The following ANKRD27 variants were observed in gnomAD, a reference collection of about 807,000 sequenced individuals.
The protein encoded by ANKRD27 is ankyrin repeat domain 27.
ANKRD27 carries 112 observed loss-of-function variants against 129.7 expected under a neutral mutation model. The observed-to-expected ratio is 0.86, with a 90% CI of 0.74 to 1.01. The LOEUF (loss-of-function observed/expected upper bound fraction) is 1.01. Among genes scored for constraint, ANKRD27 ranks in the 50% least tolerant of loss-of-function variants. ANKRD27 has a pLI of 0.00. For synonymous variants in ANKRD27, 516 were observed against 511.2 expected (o/e 1.01, Z -0.13); for missense variants, 1,258 against 1,300.5 (o/e 0.97, Z 0.50).
At chr19:32,647,536 GTGTCCT>G (rs1392862239) in intron 3 of ANKRD27, among the ~76,000 whole-genome samples, 51 of 152,362 alleles carry the variant, frequency 3.3e-4, no homozygotes, top group Admixed American at 2.5e-3. Context: ...CCCGGCCACA[GTGTCCT>G]CACTGGGGCA....
intron 1 of ANKRD27, among the ~76,000 whole-genome samples, chr19:32,665,210 T>G (rs1967727522): frequency 6.6e-6 from 1 of 151,852 alleles, no homozygotes; most frequent in Non-Finnish European, 1.5e-5. Flanking sequence ...CTTTACAATA[T>G]CAAATGAATC....
chr19:32,617,040 A>C (rs1310781549), intron 21 of ANKRD27, among the ~76,000 whole-genome samples: 1 of 152,214 alleles, frequency 6.6e-6, no homozygotes, highest in African/African-American at 2.4e-5. Context: ...GAGTATGGAC[A>C]TCTGAAAGGC....
intron 1 of ANKRD27, among the ~76,000 whole-genome samples, chr19:32,662,607 T>C (rs1243236502): frequency 1.3e-5 from 2 of 152,126 alleles, no homozygotes; most frequent in African/African-American, 4.8e-5. Flanking sequence ...CCAGGTGTGC[T>C]GGCACATGCC....
chr19:32,649,613 C>T (rs1283091154), intron 3 of ANKRD27, 69 bp downstream of exon 3: 2 of 1,061,020 alleles, frequency 1.9e-6, no homozygotes, highest in South Asian at 1.3e-5. Context: ...GAGAACGGGA[C>T]TCTCTTCCTC....
chr19:32,672,937 T>A (rs886594559), intron 1 of ANKRD27: 1 of 152,160 alleles, frequency 6.6e-6, no homozygotes, highest in African/African-American at 2.4e-5. Flanking sequence ...CATGGTCACA[T>A]TCCTCCACTC....
intron 2 of ANKRD27, among the ~76,000 whole-genome samples, chr19:32,656,385 G>T (rs1052469076): frequency 6.6e-6 from 1 of 152,184 alleles, no homozygotes; most frequent in Non-Finnish European, 1.5e-5. Context: ...TGCCCACCTT[G>T]CGTCCCGTAC....
chr19:32,619,733 T>A (rs962657562), intron 18 of ANKRD27, among the ~76,000 whole-genome samples, 180 bp from the exon 19 acceptor site: 4 of 152,008 alleles, frequency 2.6e-5, no homozygotes, highest in African/African-American at 9.7e-5. Flanking sequence ...CCAGAGCAGG[T>A]GGGAACTTAC....
At chr19:32,643,887 T>C in intron 5 of ANKRD27, 1 of 518,820 alleles carries the variant, frequency 1.9e-6, no homozygotes, top group Admixed American at 3.3e-5. Flanking sequence ...TGTTTTTTCT[T>C]TTTAAGAGAC....
rs974640024 is a variant in ANKRD27, at chr19:32,597,214, T to C, written c.*931A>G. ...GACTCAGGACAAACCCATATACGTG[T>C]AGCTCTAGGCCAATAACATAAAAAT... On this transcript the variant is annotated 3_prime_UTR_variant, in exon 29 of 29. Coordinates refer to ENST00000306065, the MANE Select transcript of ANKRD27 (RefSeq NM_032139.3). 2.1e-5 allele frequency: 3 copies of C among 140,386 alleles called. No individual in the cohort carries two copies. Among genetic ancestry groups the C allele is most frequent in the Non-Finnish European group, 4.8e-5 (3 of 62,886 alleles). The allele number at this position is 140,386 out of a possible 1,614,324, so 8.7% of individuals were successfully genotyped here.
intron 1 of ANKRD27, among the ~76,000 whole-genome samples, chr19:32,666,600 G>A (rs1967759851): frequency 6.6e-6 from 1 of 151,842 alleles, no homozygotes; most frequent in African/African-American, 2.4e-5. Flanking sequence ...TCTCAGAGGG[G>A]GTGCCTACAA....
intron 1 of ANKRD27, among the ~76,000 whole-genome samples, chr19:32,669,857 C>G (rs1967832317): frequency 6.6e-6 from 1 of 151,772 alleles, no homozygotes; most frequent in South Asian, 2.1e-4. Flanking sequence ...ATTAGCTGGG[C>G]GTGGTGATGG....
At chr19:32,624,195 C>T (rs1303764033) in intron 17 of ANKRD27, among the ~76,000 whole-genome samples, 1 of 151,568 alleles carries the variant, frequency 6.6e-6, no homozygotes, top group African/African-American at 2.4e-5. Flanking sequence ...GGTGAAACCC[C>T]GTCTCTACTA....
chr19:32,643,624 G>A lies in ANKRD27; in HGVS notation c.533C>T (p.Ala178Val), dbSNP rs752536236. The change falls in exon 6 of 29, where the codon GCG (alanine) becomes GTG (valine). Residue 178 changes from alanine to valine, a missense_variant. Transcript: ENST00000306065. Reference protein sequence around the residue: ...RKSLRHHIDSANALYTKCLQQ... With the variant: ...RKSLRHHIDSVNALYTKCLQQ... ...GAGGCATTTGGTGTAGAGAGCATTC[G>A]CTGAGTCCTAAACCACATAGAGCAG... 16 of 1,613,836 alleles carry A rather than the reference G, an allele frequency of 9.9e-6. No individual in the cohort carries two copies. Among genetic ancestry groups the A allele is most frequent in the East Asian group, 2.2e-5 (1 of 44,884 alleles).
At chr19:32,657,147 G>T (rs182563963) in intron 2 of ANKRD27, among the ~76,000 whole-genome samples, 1 of 151,992 alleles carries the variant, frequency 6.6e-6, no homozygotes, top group Admixed American at 6.6e-5. Flanking sequence ...GGACAACACG[G>T]TGAAACCCTG....
intron 2 of ANKRD27, 94 bp downstream of exon 2, chr19:32,658,820 G>C: frequency 9.0e-7 from 1 of 1,117,146 alleles, no homozygotes; most frequent in Admixed American, 1.8e-5. Flanking sequence ...GTTAAGCTGA[G>C]TTTATAACAA....
intron 13 of ANKRD27, among the ~76,000 whole-genome samples, chr19:32,630,821 G>A (rs922207290): frequency 2.0e-5 from 3 of 151,914 alleles, no homozygotes; most frequent in Non-Finnish European, 2.9e-5. Context: ...TTGTAGAGAC[G>A]GGTACTCATG....
intron 2 of ANKRD27, among the ~76,000 whole-genome samples, chr19:32,656,112 G>GAAAGA (rs1568417839): frequency 9.0e-6 from 1 of 111,158 alleles, no homozygotes; most frequent in African/African-American, 3.6e-5. Flanking sequence ...AGAAAGAAAA[G>GAAAGA]AAAAGAAAAG....
chr19:32,619,310 A>G lies in ANKRD27; in HGVS notation c.1957T>C (p.Ser653Pro). Residue 653 changes from serine (S) to proline (P), a missense_variant, in exon 20 of 29, where the codon TCC becomes CCC. Ser to Pro is a moderately conservative substitution (Grantham distance 74, BLOSUM62 -1). Coordinates refer to ENST00000306065, the MANE Select transcript of ANKRD27 (RefSeq NM_032139.3). The stretch of plus-strand genomic sequence containing the variant: ...TCCTGCCTTGAGCTGGCTGACATGG[A>G]GGAGAAGCTGGAAGTGGAGGACTCT... ...SQESSTSSFS[S>P]MSASSRQEET... 4 of 1,613,316 alleles carry G rather than the reference A, an allele frequency of 2.5e-6. 1 individual carries two copies. The South Asian group carries it at 3.3e-5, about 13-fold the overall frequency.
intron 13 of ANKRD27, among the ~76,000 whole-genome samples, chr19:32,630,061 C>T (rs1044886051): frequency 1.3e-5 from 2 of 152,028 alleles, no homozygotes; most frequent in Non-Finnish European, 2.9e-5. Context: ...CACCACCATG[C>T]CCAGCTTCAT....
Sources: allele counts gnomAD v4.1 joint callset (sites outside exome capture counted in the v4.1 genomes callset), GRCh38; gene constraint gnomAD v4.1.1; transcripts MANE v1.5; gene names NCBI Gene and HGNC (gene_info 2026-07-23, HGNC 2026-07-21).